Variants in DLGAP2 observed in about 807,000 individuals in gnomAD.
DLGAP2 encodes the protein DLG associated protein 2, also known as disks large-associated protein 2.
A neutral mutation model predicts 100.3 loss-of-function variants in DLGAP2; 26 were observed. The ratio of observed to expected loss-of-function variants is 0.26; its 90% CI spans 0.19 to 0.36. The LOEUF is 0.36. Ranked by LOEUF, DLGAP2 falls within the 10% of genes least tolerant of loss-of-function variation. The pLI is 1.00. For missense variants in DLGAP2, 1,858 were observed against 1,453.2 expected (o/e 1.28, Z -4.53); for synonymous variants, 886 against 630.1 (o/e 1.41, Z -6.08).
intron 9 of DLGAP2, among the ~76,000 whole-genome samples, chr8:1,669,499 C>G (rs1798634360): frequency 6.6e-6 from 1 of 152,360 alleles, no homozygotes; most frequent in East Asian, 1.9e-4. Flanking sequence ...AGCCCTCTGC[C>G]AACACGGCCC....
chr8:1,470,206 C>T (rs1466385262), intron 3 of DLGAP2, among the ~76,000 whole-genome samples: 1 of 152,028 alleles, frequency 6.6e-6, no homozygotes. Flanking sequence ...AGGATCATGC[C>T]AGACCATGGA....
intron 3 of DLGAP2, among the ~76,000 whole-genome samples, chr8:1,328,782 G>A (rs1450382873): frequency 4.6e-5 from 7 of 152,172 alleles, no homozygotes; most frequent in African/African-American, 9.7e-5. Flanking sequence ...CGGAAATGTC[G>A]GGATGCCGCT....
intron 1 of DLGAP2, among the ~76,000 whole-genome samples, chr8:822,905 G>C (rs373529616): frequency 9.4e-4 from 143 of 152,296 alleles, no homozygotes; most frequent in Middle Eastern, 6.8e-3. Context: ...TTGGAGAGGA[G>C]GGTTTTGTCA....
intron 2 of DLGAP2, among the ~76,000 whole-genome samples, chr8:1,204,232 C>G (rs950052011): frequency 1.3e-5 from 2 of 152,228 alleles, no homozygotes; most frequent in Non-Finnish European, 2.9e-5. Context: ...ACTGTGTGCC[C>G]TGCGCTGTGT....
At chr8:1,594,940 A>G (rs1740005103) in intron 6 of DLGAP2, among the ~76,000 whole-genome samples, 2 of 152,172 alleles carry the variant, frequency 1.3e-5, no homozygotes, top group African/African-American at 4.8e-5. Flanking sequence ...TCCAGCTGTC[A>G]GCAGGACCAT....
chr8:982,136 A>G lies in DLGAP2; in HGVS notation c.73+74170A>G, dbSNP rs1334027925. On this transcript the variant is annotated intron_variant, in intron 2 of 14. Transcript: ENST00000637795. ...AAGGGGCCTGGCTCTGGTGCCTTCC[A>G]GTGGAGCGAGTGTGGACAGGTTGTA... Among the ~76,000 whole-genome samples the G allele has an allele frequency of 2.0e-5, 3 of 152,338 alleles. No individual in the cohort carries two copies. The East Asian group carries it at 5.8e-4, about 29-fold the overall frequency.
At chr8:1,365,160 G>A (rs1285361720) in intron 3 of DLGAP2, among the ~76,000 whole-genome samples, 8 of 152,312 alleles carry the variant, frequency 5.3e-5, no homozygotes, top group East Asian at 1.9e-4. Flanking sequence ...TCTGTGGTTC[G>A]GGGCATTTGA....
At chr8:1,260,122 G>GCAT (rs1799316366) in intron 3 of DLGAP2, among the ~76,000 whole-genome samples, 1 of 152,174 alleles carries the variant, frequency 6.6e-6, no homozygotes, top group Non-Finnish European at 1.5e-5. Context: ...GGCCGCCTGT[G>GCAT]ATGGGAAAGC....
intron 2 of DLGAP2, among the ~76,000 whole-genome samples, chr8:1,013,270 A>C (rs1801350153): frequency 6.6e-6 from 1 of 152,184 alleles, no homozygotes; most frequent in African/African-American, 2.4e-5. Flanking sequence ...CTAAGTGCCC[A>C]CCATGTACTG....
intron 2 of DLGAP2, among the ~76,000 whole-genome samples, chr8:1,071,155 G>A (rs953170930): frequency 2.6e-5 from 4 of 152,212 alleles, no homozygotes; most frequent in African/African-American, 9.6e-5. Flanking sequence ...GCTGCCGAGC[G>A]GAAGCTGGGG....
chr8:1,515,658 TATACAC>T (rs1800345182), intron 4 of DLGAP2, among the ~76,000 whole-genome samples: 1 of 149,724 alleles, frequency 6.7e-6, no homozygotes, highest in African/African-American at 2.5e-5. Flanking sequence ...AGACATGAAA[TATACAC>T]ATACACATGT....
intron 2 of DLGAP2, among the ~76,000 whole-genome samples, chr8:1,238,484 G>A (rs1425068742): frequency 3.6e-5 from 4 of 112,286 alleles, no homozygotes; most frequent in South Asian, 3.6e-4. Context: ...CACCATGTCT[G>A]CTTCTCTCAC....
intron 2 of DLGAP2, among the ~76,000 whole-genome samples, chr8:1,011,283 A>G (rs1342661423): frequency 2.0e-5 from 3 of 147,630 alleles, no homozygotes; most frequent in African/African-American, 7.6e-5. Flanking sequence ...CTACACAGTG[A>G]GCCCTGGAAT....
chr8:859,223 T>C (rs567801080), intron 1 of DLGAP2, among the ~76,000 whole-genome samples: 124 of 152,122 alleles, frequency 8.2e-4, no homozygotes, highest in Middle Eastern at 3.4e-3. Flanking sequence ...GTGATTCTCC[T>C]GCCTCAGCCT....
rs190118320 is a variant in DLGAP2 at position 1,081,999 on chromosome 8, G to A, written c.73+174033G>A. 4.3e-4 allele frequency among the ~76,000 whole-genome samples: 65 copies of A among 152,240 alleles called. 2 individuals carry two copies. The highest frequency in any genetic ancestry group is 3.4e-3 in the Middle Eastern group (1 of 294). The stretch of plus-strand genomic sequence containing the variant: ...GAGATCTCCAAGAAAAGAAGACAGC[G>A]AAACTGTCTTTTCCCTGTTCTGAAA... On this transcript the variant is annotated intron_variant, in intron 2 of 14. Coordinates refer to ENST00000637795, the MANE Select transcript of DLGAP2 (RefSeq NM_001346810.2).
chr8:1,317,711 A>C (rs77324604), intron 3 of DLGAP2, among the ~76,000 whole-genome samples: 625 of 27,678 alleles, frequency 0.023, no homozygotes, highest in Admixed American at 0.031. Flanking sequence ...ACACTCGAGA[A>C]ACTCGGCAGC....
chr8:1,012,561 C>T (rs1430310880), intron 2 of DLGAP2, among the ~76,000 whole-genome samples: 3 of 136,066 alleles, frequency 2.2e-5, no homozygotes, highest in South Asian at 5.4e-4. Context: ...GTGTAGACAC[C>T]GTCCAACCAG....
intron 3 of DLGAP2, among the ~76,000 whole-genome samples, chr8:1,418,776 C>T (rs558144090): frequency 6.6e-6 from 1 of 152,178 alleles, no homozygotes; most frequent in Non-Finnish European, 1.5e-5. Context: ...CTGTCCTGAC[C>T]CTGACCACCT....
chr8:1,265,841 T>C (rs559629648), intron 3 of DLGAP2, among the ~76,000 whole-genome samples: 6 of 152,076 alleles, frequency 3.9e-5, no homozygotes, highest in Middle Eastern at 3.4e-3. Context: ...TAAAGGTGAA[T>C]AGAAGAGTAG....
Sources: allele counts gnomAD v4.1 joint callset (sites outside exome capture counted in the v4.1 genomes callset), GRCh38; gene constraint gnomAD v4.1.1; transcripts MANE v1.5; gene names NCBI Gene and HGNC (gene_info 2026-07-23, HGNC 2026-07-21).